PITPNC1: variants seen among roughly 807,000 people sequenced by gnomAD.
PITPNC1 encodes the protein phosphatidylinositol transfer protein cytoplasmic 1.
In PITPNC1, 18 loss-of-function variants were observed where a neutral mutation model predicts 44.7. The observed-to-expected ratio is 0.40, with a 90% CI of 0.28 to 0.60. The LOEUF (loss-of-function observed/expected upper bound fraction) is 0.60, where lower values mean the gene tolerates loss of function less well. Ranked by LOEUF, PITPNC1 falls within the 20% of genes least tolerant of loss-of-function variation. The probability of loss-of-function intolerance (pLI) is 0.39; values close to 1 mark genes in which losing one functional copy is unlikely to be tolerated. For missense variants in PITPNC1, 290 were observed against 418.4 expected, an observed-to-expected ratio of 0.69 and a Z score of 2.68; for synonymous variants, 141 against 149.6, an observed-to-expected ratio of 0.94 and a Z score of 0.42.
chr17:67,542,251 A>G (rs961748458), intron 2 of PITPNC1, among the ~76,000 whole-genome samples: 1 of 152,176 alleles, frequency 6.6e-6, no homozygotes, highest in African/African-American at 2.4e-5. Flanking sequence ...TTGGTAGAGT[A>G]TGGATGCATA....
intron 8 of PITPNC1, chr17:67,687,019 A>T (rs1326006167): frequency 9.5e-7 from 1 of 1,055,770 alleles, no homozygotes; most frequent in Non-Finnish European, 1.5e-6. Context: ...CCCCATTGAA[A>T]GTTTGCATCT....
chr17:67,403,458 T>C (rs1390253553), intron 1 of PITPNC1, among the ~76,000 whole-genome samples: 1 of 152,206 alleles, frequency 6.6e-6, no homozygotes, highest in Non-Finnish European at 1.5e-5. Flanking sequence ...AAGCCAACTT[T>C]TTTAGTGTAT....
chr17:67,453,975 C>T (rs755890775), intron 1 of PITPNC1, among the ~76,000 whole-genome samples: 5 of 152,086 alleles, frequency 3.3e-5, no homozygotes, highest in Non-Finnish European at 5.9e-5. Flanking sequence ...TCGGGCTGGG[C>T]GTGGTGGCTC....
At chr17:67,552,452 C>T in intron 3 of PITPNC1, 107 bp downstream of exon 3, 2 of 706,882 alleles carry the variant, frequency 2.8e-6, no homozygotes, top group Non-Finnish European at 5.1e-6. Flanking sequence ...CTTGTGGGAG[C>T]CCCGTAGTAT....
intron 1 of PITPNC1, among the ~76,000 whole-genome samples, chr17:67,386,196 C>A (rs1245375365): frequency 6.6e-6 from 1 of 152,206 alleles, no homozygotes; most frequent in South Asian, 2.1e-4. Context: ...AATTAATATA[C>A]TTTATTTATT....
chr17:67,653,090 A>C (rs527381422), intron 6 of PITPNC1, among the ~76,000 whole-genome samples: 2 of 152,198 alleles, frequency 1.3e-5, no homozygotes, highest in East Asian at 3.9e-4. Flanking sequence ...AAGACCAGCC[A>C]GGCCAACATG....
At chr17:67,485,969 T>C (rs2039772826) in intron 1 of PITPNC1, among the ~76,000 whole-genome samples, 1 of 152,190 alleles carries the variant, frequency 6.6e-6, no homozygotes, top group Non-Finnish European at 1.5e-5. Flanking sequence ...AATGTAAGCA[T>C]TCTAATTGAA....
intron 2 of PITPNC1, among the ~76,000 whole-genome samples, chr17:67,542,641 G>A (rs1004442954): frequency 1.2e-4 from 19 of 152,138 alleles, no homozygotes; most frequent in African/African-American, 4.6e-4. Context: ...TGGACCGGCC[G>A]TAACTAAGAT....
intron 8 of PITPNC1, among the ~76,000 whole-genome samples, chr17:67,689,109 G>A (rs988615158): frequency 2.0e-5 from 3 of 152,236 alleles, no homozygotes; most frequent in Admixed American, 1.3e-4. Context: ...GGCTGAGGCA[G>A]GAGAATCGTT....
intron 8 of PITPNC1, among the ~76,000 whole-genome samples, chr17:67,689,032 G>A (rs551901231): frequency 5.2e-4 from 79 of 152,010 alleles, no homozygotes; most frequent in Non-Finnish European, 9.6e-4. Context: ...AAGAAACCCC[G>A]TCTCTACTAA....
At chr17:67,418,055 A>G (rs185321973) in intron 1 of PITPNC1, among the ~76,000 whole-genome samples, 143 of 152,248 alleles carry the variant, frequency 9.4e-4, no homozygotes, top group Middle Eastern at 3.4e-3. Context: ...AAAAAAGTCA[A>G]TGGAACAAGG....
chr17:67,491,693 T>G (rs2039866731), intron 1 of PITPNC1, among the ~76,000 whole-genome samples: 1 of 152,092 alleles, frequency 6.6e-6, no homozygotes, highest in Non-Finnish European at 1.5e-5. Context: ...TAAAATTACC[T>G]GGGCATGGCA....
chr17:67,404,468 A>G (rs1455661262), intron 1 of PITPNC1, among the ~76,000 whole-genome samples: 1 of 152,244 alleles, frequency 6.6e-6, no homozygotes, highest in Non-Finnish European at 1.5e-5. Context: ...CAGATGTAAT[A>G]GAACCTAGAT....
At chr17:67,459,010 GACCCCTGTACCA>G (rs1472978704) in intron 1 of PITPNC1, among the ~76,000 whole-genome samples, 2 of 151,142 alleles carry the variant, frequency 1.3e-5, no homozygotes, top group Non-Finnish European at 2.9e-5. Context: ...TGTTCTCCTA[GACCCCTGTACCA>G]GGGGATGATT....
At chr17:67,631,501 C>T (rs1438007287) in intron 5 of PITPNC1, among the ~76,000 whole-genome samples, 3 of 136,574 alleles carry the variant, frequency 2.2e-5, no homozygotes, top group South Asian at 2.4e-4. Context: ...TGGTGGTGGG[C>T]GCCTGTAATC....
intron 6 of PITPNC1, among the ~76,000 whole-genome samples, chr17:67,642,241 T>C (rs2144352068): frequency 6.6e-6 from 1 of 152,276 alleles, no homozygotes; most frequent in East Asian, 1.9e-4. Context: ...GCAGAGAGTC[T>C]TCAAAGCAGG....
intron 1 of PITPNC1, among the ~76,000 whole-genome samples, chr17:67,407,138 G>T (rs1196097706): frequency 6.6e-6 from 1 of 152,082 alleles, no homozygotes; most frequent in Admixed American, 6.5e-5. Flanking sequence ...TACAGTGTAC[G>T]ATGGTTCCAA....
At chr17:67,523,569 C>T (rs1475180839) in intron 1 of PITPNC1, among the ~76,000 whole-genome samples, 1 of 151,636 alleles carries the variant, frequency 6.6e-6, no homozygotes, top group Non-Finnish European at 1.5e-5. Flanking sequence ...TGATAATAAA[C>T]TGTGGCTCAG....
chr17:67,609,792 A>T (rs1446673211), intron 5 of PITPNC1, among the ~76,000 whole-genome samples: 1 of 151,982 alleles, frequency 6.6e-6, no homozygotes, highest in African/African-American at 2.4e-5. Flanking sequence ...ATTCCAAAAA[A>T]AAAAAAAGCC....
Sources: gnomAD v4.1 joint callset for allele counts (sites outside exome capture counted in the v4.1 genomes callset) on GRCh38, gnomAD v4.1.1 for gene constraint, MANE v1.5 for transcripts, NCBI Gene and HGNC (gene_info 2026-07-23, HGNC 2026-07-21) for gene names.